Variants in AK5 observed in about 807,000 individuals in gnomAD.
The protein encoded by AK5 is adenylate kinase isoenzyme 5.
In AK5, 27 loss-of-function variants were observed where a neutral mutation model predicts 69.5. The observed-to-expected ratio is 0.39, with a 90% CI of 0.29 to 0.54. The LOEUF (loss-of-function observed/expected upper bound fraction) is 0.54, where lower values mean the gene tolerates loss of function less well. Ranked by LOEUF, AK5 falls within the 20% of genes least tolerant of loss-of-function variation. The pLI, the probability that AK5 is intolerant of heterozygous loss-of-function variation, is 0.71. For synonymous variants in AK5, 260 were observed against 244.4 expected, an observed-to-expected ratio of 1.06 and a Z score of -0.60; for missense variants, 531 against 700.4, an observed-to-expected ratio of 0.76 and a Z score of 2.73.
intron 11 of AK5, among the ~76,000 whole-genome samples, chr1:77,518,940 C>T (rs1657826372): frequency 6.6e-6 from 1 of 152,332 alleles, no homozygotes; most frequent in East Asian, 1.9e-4. Flanking sequence ...CTCCTTCCAT[C>T]TTGTTGCTCT....
intron 6 of AK5, among the ~76,000 whole-genome samples, chr1:77,372,851 A>G (rs555007366): frequency 2.3e-3 from 353 of 152,168 alleles, no homozygotes; most frequent in South Asian, 0.016. Context: ...TGTTCTTAGA[A>G]TTTTAATGTG....
chr1:77,322,833 T>C (rs890522321), intron 5 of AK5, among the ~76,000 whole-genome samples: 2 of 152,200 alleles, frequency 1.3e-5, no homozygotes, highest in African/African-American at 2.4e-5. Context: ...TGAAGTTAGA[T>C]CCCAAAATGC....
chr1:77,425,229 G>A (rs1270885367), intron 8 of AK5, among the ~76,000 whole-genome samples: 1 of 152,120 alleles, frequency 6.6e-6, no homozygotes, highest in East Asian at 1.9e-4. Context: ...CAAAAATTGG[G>A]GGAATTTGTT....
At position 77,450,200 on chromosome 1, in the gene AK5, A is replaced by T. The variant is rs139372321; in HGVS notation, c.1059+32485A>T. On this transcript the variant is annotated intron_variant, in intron 8 of 13. Coordinates refer to ENST00000354567, the MANE Select transcript of AK5 (RefSeq NM_174858.3). ...GTATCACTATCAGCATTTTTGTTAA[A>T]GCCATTCAACAAGTCTCTAGGAAGT... Among the ~76,000 whole-genome samples, 201 of 152,296 alleles carry T rather than the reference A, an allele frequency of 1.3e-3. 2 individuals carry two copies. Among genetic ancestry groups the T allele is most frequent in the African/African-American group, 4.5e-3 (188 of 41,552 alleles).
rs1249537554 is a variant in AK5, at chr1:77,535,921, C to T, written c.1503C>T (p.Ser501=). ...DTMTNRLLQR[S]RSSLPVDDTT... Reference sequence around the variant, plus strand: ...TGACCAACCGCCTTCTCCAAAGGAGCCGGAGCAGCCTGCCTGTGGACGACA... The same window carrying T: ...TGACCAACCGCCTTCTCCAAAGGAGTCGGAGCAGCCTGCCTGTGGACGACA... The change falls in exon 13 of 14, where the codon AGC becomes AGT. Residue 501 remains serine, a synonymous_variant. Coordinates refer to ENST00000354567, the MANE Select transcript of AK5 (RefSeq NM_174858.3). 2 of 1,613,912 alleles carry T rather than the reference C, an allele frequency of 1.2e-6. No homozygotes were observed. Among genetic ancestry groups the T allele is most frequent in the Admixed American group, 3.3e-5 (2 of 59,992 alleles).
intron 5 of AK5, among the ~76,000 whole-genome samples, chr1:77,301,644 A>G (rs570486178): frequency 3.3e-5 from 5 of 152,282 alleles, no homozygotes; most frequent in Middle Eastern, 3.4e-3. Context: ...TACTCTATAT[A>G]TAGTTTTCTT....
At chr1:77,352,082 A>T (rs1662242071) in intron 6 of AK5, among the ~76,000 whole-genome samples, 3 of 152,034 alleles carry the variant, frequency 2.0e-5, no homozygotes, top group Non-Finnish European at 4.4e-5. Flanking sequence ...GGTGCCTGCC[A>T]CCATGCCCGG....
At chr1:77,473,110 G>C (rs1364401008) in intron 8 of AK5, among the ~76,000 whole-genome samples, 2 of 152,024 alleles carry the variant, frequency 1.3e-5, no homozygotes, top group Admixed American at 1.3e-4. Flanking sequence ...CTTTGCTGGG[G>C]GTGGGAGGAT....
At chr1:77,402,460 A>C (rs1649288717) in intron 6 of AK5, among the ~76,000 whole-genome samples, 2 of 98,310 alleles carry the variant, frequency 2.0e-5, no homozygotes, top group South Asian at 3.7e-4. Context: ...CCCACCCCAC[A>C]ACAGTCCCCG....
intron 13 of AK5, chr1:77,540,440 A>G (rs981113501): frequency 1.3e-5 from 2 of 152,242 alleles, no homozygotes; most frequent in African/African-American, 4.8e-5. Flanking sequence ...ACTTCCTACC[A>G]AGTCTGAATG....
intron 10 of AK5, among the ~76,000 whole-genome samples, chr1:77,514,385 G>T (rs529274769): frequency 6.6e-6 from 1 of 152,190 alleles, no homozygotes; most frequent in Admixed American, 6.5e-5. Flanking sequence ...ATCTTTTGCC[G>T]GGTAACAAAT....
intron 10 of AK5, among the ~76,000 whole-genome samples, chr1:77,498,079 C>T (rs1348346137): frequency 6.6e-6 from 1 of 152,148 alleles, no homozygotes; most frequent in Non-Finnish European, 1.5e-5. Flanking sequence ...CTGAAACCTT[C>T]CCAAGAGCCC....
At chr1:77,538,762 A>T (rs371701574) in intron 13 of AK5, among the ~76,000 whole-genome samples, 130 of 152,234 alleles carry the variant, frequency 8.5e-4, no homozygotes, top group African/African-American at 3.1e-3. Flanking sequence ...GAGTTGGAAA[A>T]TCCCTCTTAG....
At chr1:77,424,139 A>G (rs542682710) in intron 8 of AK5, among the ~76,000 whole-genome samples, 53 of 152,232 alleles carry the variant, frequency 3.5e-4, no homozygotes, top group Non-Finnish European at 6.0e-4. Flanking sequence ...TATTCAGTAT[A>G]TCAGGTCCAT....
intron 8 of AK5, among the ~76,000 whole-genome samples, chr1:77,469,628 T>C (rs1654341887): frequency 6.6e-6 from 1 of 151,652 alleles, no homozygotes; most frequent in Non-Finnish European, 1.5e-5. Flanking sequence ...CTAATCCATG[T>C]GGTCAGCCGC....
At chr1:77,332,480 TATA>T (rs1661140427) in intron 5 of AK5, among the ~76,000 whole-genome samples, 1 of 150,868 alleles carries the variant, frequency 6.6e-6, no homozygotes, top group African/African-American at 2.4e-5. Flanking sequence ...ACAATTTTGT[TATA>T]ATTTAATATA....
chr1:77,329,101 A>G (rs1570388685), intron 5 of AK5, among the ~76,000 whole-genome samples: 1 of 152,150 alleles, frequency 6.6e-6, no homozygotes, highest in East Asian at 1.9e-4. Context: ...TTTGGTGGAC[A>G]TACTCAAACA....
chr1:77,307,716 A>C (rs1659721254), intron 5 of AK5, among the ~76,000 whole-genome samples: 1 of 152,194 alleles, frequency 6.6e-6, no homozygotes, highest in African/African-American at 2.4e-5. Flanking sequence ...TGAAGTCTCC[A>C]ATGCTTCTTC....
rs1258397087 is a variant in AK5 at position 77,416,608 on chromosome 1, GA to G, written c.983-1029del. Among the ~76,000 whole-genome samples, 8 of 152,258 alleles carry G rather than the reference GA, an allele frequency of 5.3e-5. No homozygotes were observed. The East Asian group carries it at 1.3e-3, about 26-fold the overall frequency. ...CAGCAGGGACAATGATAAGAGAAGA[GA>G]AGGGGGAAAAAAGAGAAGAGATGAG... On this transcript the variant is annotated intron_variant, in intron 7 of 13. Transcript: ENST00000354567.
Sources: allele counts gnomAD v4.1 joint callset (sites outside exome capture counted in the v4.1 genomes callset), GRCh38; gene constraint gnomAD v4.1.1; transcripts MANE v1.5; gene names NCBI Gene and HGNC (gene_info 2026-07-23, HGNC 2026-07-21).